REEP1: variants seen among roughly 807,000 people sequenced by gnomAD.
The protein encoded by REEP1 is receptor expression-enhancing protein 1.
In REEP1, 22 loss-of-function variants were observed where a neutral mutation model predicts 40.3. The observed-to-expected ratio is 0.55, with a 90% CI of 0.39 to 0.78. REEP1 has a LOEUF of 0.78. REEP1 is among the 30% of genes least tolerant of loss of function. The pLI is 0.00. For synonymous variants in REEP1, 116 were observed against 139.2 expected (o/e 0.83, Z 1.17); for missense variants, 280 against 361.1 (o/e 0.78, Z 1.82).
chr2:86,221,441 C>G (rs984104685), intron 7 of REEP1, among the ~76,000 whole-genome samples: 35 of 152,170 alleles, frequency 2.3e-4, no homozygotes, highest in African/African-American at 8.2e-4. Context: ...CTTATTTACT[C>G]TGGGCTTAGT....
chr2:86,218,537 T>A (rs535427005), intron 8 of REEP1, among the ~76,000 whole-genome samples: 1 of 152,226 alleles, frequency 6.6e-6, no homozygotes, highest in Non-Finnish European at 1.5e-5. Context: ...AACCCACCTT[T>A]ATAGTAATCT....
intron 1 of REEP1, among the ~76,000 whole-genome samples, chr2:86,335,720 G>A (rs1298516248): frequency 7.9e-5 from 12 of 151,936 alleles, no homozygotes; most frequent in Admixed American, 7.9e-4. Flanking sequence ...GTGGTGGCAG[G>A]CGCTTGTAAT....
rs1255176354 is a variant in REEP1, at chr2:86,295,282, C to T, written c.33-13040G>A. Among the ~76,000 whole-genome samples the T allele has an allele frequency of 2.6e-5, 4 of 152,148 alleles. No homozygotes were observed. In the South Asian group the frequency reaches 8.3e-4, roughly 32 times the overall value. ...CAGAGAGACTGGGGCGGGAACCCAC[C>T]GTATGTACCTCTCGCACACCTGCCC... On this transcript the variant is annotated intron_variant, in intron 1 of 8. Coordinates refer to ENST00000538924, the MANE Select transcript of REEP1 (RefSeq NM_001371279.1).
At chr2:86,303,285 C>T (rs1034298544) in intron 1 of REEP1, among the ~76,000 whole-genome samples, 5 of 139,152 alleles carry the variant, frequency 3.6e-5, no homozygotes, top group Non-Finnish European at 6.1e-5. Flanking sequence ...GGCATGATCT[C>T]GGCTCACTGC....
At chr2:86,332,652 G>C (rs1680830410) in intron 1 of REEP1, among the ~76,000 whole-genome samples, 2 of 152,182 alleles carry the variant, frequency 1.3e-5, no homozygotes. Flanking sequence ...GTAATAACTA[G>C]GTGAGACCCT....
intron 5 of REEP1, among the ~76,000 whole-genome samples, chr2:86,237,711 C>T (rs1574013884): frequency 6.6e-6 from 1 of 151,930 alleles, no homozygotes; most frequent in South Asian, 2.1e-4. Context: ...TTAGTAGAGA[C>T]GGGGTTTCAC....
chr2:86,247,434 C>G (rs962395853), intron 5 of REEP1, among the ~76,000 whole-genome samples: 3 of 152,042 alleles, frequency 2.0e-5, no homozygotes, highest in African/African-American at 7.2e-5. Flanking sequence ...CATGGTGGTG[C>G]ACACCTATAA....
chr2:86,301,128 G>C (rs887385561), intron 1 of REEP1, among the ~76,000 whole-genome samples: 1 of 152,230 alleles, frequency 6.6e-6, no homozygotes, highest in Non-Finnish European at 1.5e-5. Flanking sequence ...GTGAAGATGT[G>C]AGACCAGAGA....
Position 86,252,075 on chromosome 2 carries a change from C to G in REEP1, c.304-5G>C. On this transcript the variant is annotated splice_region_variant and splice_polypyrimidine_tract_variant and intron_variant, in intron 4 of 8. Coordinates refer to ENST00000538924, the MANE Select transcript of REEP1 (RefSeq NM_001371279.1). ...GACCAGACAATCATCGATTTCCTGT[C>G]AAAGGAAAAACAGAGGCACACTGAG... 1 of 1,600,858 alleles carries G rather than the reference C, an allele frequency of 6.2e-7. No homozygotes were observed. Among genetic ancestry groups the G allele is most frequent in the South Asian group, 1.1e-5 (1 of 90,782 alleles).
chr2:86,317,031 C>T (rs1680046250), intron 1 of REEP1, among the ~76,000 whole-genome samples: 1 of 152,176 alleles, frequency 6.6e-6, no homozygotes, highest in Admixed American at 6.5e-5. Flanking sequence ...CAGTCTGACA[C>T]TCTGACCTCC....
intron 1 of REEP1, among the ~76,000 whole-genome samples, chr2:86,296,646 C>T (rs1263638945): frequency 6.6e-6 from 1 of 152,178 alleles, no homozygotes; most frequent in African/African-American, 2.4e-5. Context: ...CACCTGAGGT[C>T]AGGAGTTTGA....
chr2:86,325,369 G>A (rs1466931773), intron 1 of REEP1, among the ~76,000 whole-genome samples: 1 of 152,230 alleles, frequency 6.6e-6, no homozygotes, highest in African/African-American at 2.4e-5. Flanking sequence ...TAAGGCCTGT[G>A]ATCTTGGGTG....
intron 2 of REEP1, among the ~76,000 whole-genome samples, chr2:86,269,475 C>T (rs185803508): frequency 3.9e-5 from 6 of 152,286 alleles, no homozygotes; most frequent in African/African-American, 1.4e-4. Flanking sequence ...TTCGGTTTGA[C>T]AAATTACAAT....
chr2:86,286,361 C>T (rs1224964134), intron 1 of REEP1, among the ~76,000 whole-genome samples: 2 of 152,120 alleles, frequency 1.3e-5, no homozygotes, highest in Non-Finnish European at 2.9e-5. Flanking sequence ...AGGGATGCTG[C>T]GAAACATCCT....
chr2:86,318,395 CTTTTCT>C (rs1419150187), intron 1 of REEP1, among the ~76,000 whole-genome samples: 316 of 126,328 alleles, frequency 2.5e-3, no homozygotes, highest in African/African-American at 7.6e-3. Context: ...CTTTTCTTTT[CTTTTCT>C]TTTTTTTTTT....
At chr2:86,332,434 GAA>G (rs1491187952) in intron 1 of REEP1, among the ~76,000 whole-genome samples, 1 of 44,868 alleles carries the variant, frequency 2.2e-5, no homozygotes, top group Non-Finnish European at 4.0e-5. Flanking sequence ...AACTTTCCTG[GAA>G]ACACACACAC....
chr2:86,254,065 C>T (rs894012016), intron 4 of REEP1, among the ~76,000 whole-genome samples: 1 of 152,198 alleles, frequency 6.6e-6, no homozygotes, highest in Non-Finnish European at 1.5e-5. Flanking sequence ...AGTAAGGGAA[C>T]ATCATCATGG....
chr2:86,315,971 C>T (rs142312036), intron 1 of REEP1, among the ~76,000 whole-genome samples: 81 of 152,248 alleles, frequency 5.3e-4, no homozygotes, highest in Middle Eastern at 6.8e-3. Context: ...GGGAGAGATG[C>T]CTTCTTTCTG....
intron 1 of REEP1, among the ~76,000 whole-genome samples, chr2:86,304,243 C>A (rs1330571057): frequency 6.6e-6 from 1 of 152,154 alleles, no homozygotes; most frequent in African/African-American, 2.4e-5. Context: ...TTCTGTAAAA[C>A]CATTAGCAAC....
Sources: gnomAD v4.1 joint callset for allele counts (sites outside exome capture counted in the v4.1 genomes callset) on GRCh38, gnomAD v4.1.1 for gene constraint, MANE v1.5 for transcripts, NCBI Gene and HGNC (gene_info 2026-07-23, HGNC 2026-07-21) for gene names.